ANPEP: variants seen among roughly 807,000 people sequenced by gnomAD.
ANPEP encodes the protein aminopeptidase N.
Under a neutral mutation model 114.6 loss-of-function variants are expected in ANPEP, and 70 were observed. The observed-to-expected ratio is 0.61, with a 90% CI of 0.50 to 0.75. The LOEUF is 0.75. Among genes scored for constraint, ANPEP ranks in the 30% least tolerant of loss-of-function variants. ANPEP has a pLI of 0.00. For missense variants in ANPEP, 1,184 were observed against 1,259.5 expected, an observed-to-expected ratio of 0.94 and a Z score of 0.91; for synonymous variants, 548 against 522.3, an observed-to-expected ratio of 1.05 and a Z score of -0.67.
chr15:89,797,265 C>T (rs1596164486), intron 15 of ANPEP, among the ~76,000 whole-genome samples: 1 of 152,200 alleles, frequency 6.6e-6, no homozygotes, highest in Non-Finnish European at 1.5e-5. Context: ...AGCGTTAATT[C>T]CCCATATTTC....
intron 6 of ANPEP, 94 bp from the exon 7 acceptor site, chr15:89,804,096 CACAG>C: frequency 6.4e-7 from 1 of 1,551,822 alleles, no homozygotes; most frequent in Non-Finnish European, 8.9e-7. Flanking sequence ...ATCTGCCAGG[CACAG>C]TGGGGATTTC....
intron 1 of ANPEP, among the ~76,000 whole-genome samples, chr15:89,808,197 G>A (rs1404522596): frequency 1.3e-5 from 2 of 152,134 alleles, no homozygotes; most frequent in Non-Finnish European, 1.5e-5. Context: ...AAGCCCCAGG[G>A]CCTTGGCACA....
Position 89,810,965 on chromosome 15 carries a change from C to T in ANPEP, c.-224+3807G>A, listed in dbSNP as rs117607542. Reference sequence around the variant, plus strand: ...TTTGCTTCATCCACTCCCCACTTGCCCTGGAGACACAAGTCAGTGGTGCTG... The same window carrying T: ...TTTGCTTCATCCACTCCCCACTTGCTCTGGAGACACAAGTCAGTGGTGCTG... On this transcript the variant is annotated intron_variant, in intron 1 of 20. Transcript: ENST00000300060. Among the ~76,000 whole-genome samples, 906 of 152,368 alleles carry T rather than the reference C, an allele frequency of 5.9e-3. 10 individuals are homozygous for T. The highest frequency in any genetic ancestry group is 0.034 in the East Asian group (177 of 5,190).
In ANPEP at chr15:89,799,138, A is replaced by C; in HGVS notation, c.2009+122T>G. Reference sequence around the variant, plus strand: ...GGGAGGGACGTCCAGGGAGCACAGGAGCTCAGGGCACAGCACGTGGCATAT... The same window carrying C: ...GGGAGGGACGTCCAGGGAGCACAGGCGCTCAGGGCACAGCACGTGGCATAT... On this transcript the variant is annotated intron_variant, in intron 14 of 20. Coordinates refer to ENST00000300060, the MANE Select transcript of ANPEP (RefSeq NM_001150.3). This position sits in a 1 kb window ranked among gnomAD's most constrained non-coding sequence, Gnocchi z 4.2. 1 of 1,107,096 alleles carries C rather than the reference A, an allele frequency of 9.0e-7. No homozygotes were observed. Among genetic ancestry groups the C allele is most frequent in the African/African-American group, 1.5e-5 (1 of 65,272 alleles). 68.6% of individuals were successfully genotyped at this position (1,107,096 alleles called of 1,614,324 possible). A position where few individuals can be genotyped will look rare whatever the true frequency, so the allele number is the denominator to read the frequency against.
In ANPEP at chr15:89,790,949, T is replaced by C; in HGVS notation, c.2669+4A>G. ...TGTCCCTGACACCCATTCCACAGAC[T>C]CACTCGTTAAAAAGCTTCTTCCAGT... On this transcript the variant is annotated splice_donor_region_variant and intron_variant, in intron 19 of 20. Coordinates refer to ENST00000300060, the MANE Select transcript of ANPEP (RefSeq NM_001150.3). 6.8e-6 allele frequency: 11 copies of C among 1,613,780 alleles called. No homozygotes were observed. The highest frequency in any genetic ancestry group is 9.3e-6 in the Non-Finnish European group (11 of 1,179,816).
At chr15:89,789,775 C>CAGAAAAAA (rs1968581171) in intron 20 of ANPEP, among the ~76,000 whole-genome samples, 1 of 97,492 alleles carries the variant, frequency 1.0e-5, no homozygotes, top group African/African-American at 4.1e-5. Context: ...GACTCAGTCT[C>CAGAAAAAA]AAAAAAAAAA....
chr15:89,786,848 C>T (rs947570482), intron 20 of ANPEP, among the ~76,000 whole-genome samples: 9 of 152,050 alleles, frequency 5.9e-5, no homozygotes, highest in African/African-American at 2.2e-4. Flanking sequence ...TTATATTTAC[C>T]GTCAATTGAT....
chr15:89,805,060 A>G lies in ANPEP; in HGVS notation c.897+18T>C, dbSNP rs755459265. 9.3e-6 allele frequency: 15 copies of G among 1,613,946 alleles called. No individual in the cohort carries two copies. The highest frequency in any genetic ancestry group is 1.2e-5 in the Non-Finnish European group (14 of 1,179,914). ...CGGGGCCAGCCCACGTGAAGGAGAGATGGGCCCAGCCTCATACCAAGACAC... is the reference window on the plus strand; with the variant it reads ...CGGGGCCAGCCCACGTGAAGGAGAGGTGGGCCCAGCCTCATACCAAGACAC... On this transcript the variant is annotated intron_variant, in intron 4 of 20. Transcript: ENST00000300060.
Position 89,803,466 on chromosome 15 carries a change from C to T in ANPEP, c.1479G>A (p.Glu493=). 6.2e-7 allele frequency: 1 copy of T among 1,605,634 alleles called. No individual in the cohort carries two copies. The highest frequency in any genetic ancestry group is 1.1e-5 in the South Asian group (1 of 90,266). The part of the protein sequence containing the change: ...VLRMLSSFLS[E]DVFKQGLASY... The stretch of plus-strand genomic sequence containing the variant: ...CCGCCAGGCCCTGCTTGAATACGTC[C>T]TCGGACAGGAAGCTGGAGAGCATCC... The change falls in exon 9 of 21, where the codon GAG becomes GAA. Residue 493 remains glutamate (E), a synonymous_variant. Transcript: ENST00000300060. This position sits in a 1 kb window ranked among gnomAD's most constrained non-coding sequence, Gnocchi z 4.2.
At chr15:89,787,414 T>C (rs1968528370) in intron 20 of ANPEP, among the ~76,000 whole-genome samples, 1 of 152,120 alleles carries the variant, frequency 6.6e-6, no homozygotes, top group Non-Finnish European at 1.5e-5. Context: ...AATAAAAAAA[T>C]AGGTATAAAT....
rs1417685505 is a variant in ANPEP at position 89,805,081 on chromosome 15, G to C, written c.894C>G (p.Val298=). ...AGAGATGGGCCCAGCCTCATACCAA[G>C]ACACCATTGGATGCCTGCTTCTCCA... ...DYVEKQASNG[V]LIRIWARPSA... Residue 298 remains valine, a synonymous_variant, in exon 4 of 21, where the codon GTC becomes GTG. Coordinates refer to ENST00000300060, the MANE Select transcript of ANPEP (RefSeq NM_001150.3). 1.9e-6 allele frequency: 3 copies of C among 1,614,112 alleles called. No individual in the cohort carries two copies. The highest frequency in any genetic ancestry group is 2.7e-5 in the African/African-American group (2 of 74,942).
At chr15:89,809,714 G>C (rs1894785146) in intron 1 of ANPEP, among the ~76,000 whole-genome samples, 1 of 152,212 alleles carries the variant, frequency 6.6e-6, no homozygotes, top group Non-Finnish European at 1.5e-5. Flanking sequence ...CACGTCAGCA[G>C]AGGGCTCTGC....
At chr15:89,792,646 C>G in intron 16 of ANPEP, 84 bp from the exon 17 acceptor site, 2 of 1,243,576 alleles carry the variant, frequency 1.6e-6, no homozygotes, top group Non-Finnish European at 2.3e-6. Flanking sequence ...CAGGCCGGCA[C>G]CCTGCCTAAG....
Position 89,797,586 on chromosome 15 carries a change from C to T in ANPEP, c.2146G>A (p.Gly716Ser). The change falls in exon 15 of 21, where the codon GGC becomes AGC. Residue 716 changes from glycine to serine, a missense_variant. Gly to Ser is a moderately conservative substitution (Grantham distance 56, BLOSUM62 0). Coordinates refer to ENST00000300060, the MANE Select transcript of ANPEP (RefSeq NM_001150.3). ...KLMFDRSEVY[G>S]PMKNYLKKQV... ...ATGCACCTCCGTACCTTCATGGGGCCATAGACCTCGGAGCGGTCAAACATG... is the reference window on the plus strand; with the variant it reads ...ATGCACCTCCGTACCTTCATGGGGCTATAGACCTCGGAGCGGTCAAACATG... The T allele has an allele frequency of 1.2e-6, 2 of 1,613,770 alleles. No individual in the cohort carries two copies. The highest frequency in any genetic ancestry group is 4.5e-5 in the East Asian group (2 of 44,880).
chr15:89,786,961 A>G (rs1968518256), intron 20 of ANPEP, among the ~76,000 whole-genome samples: 1 of 151,552 alleles, frequency 6.6e-6, no homozygotes, highest in South Asian at 2.1e-4. Flanking sequence ...ATGAAGTTGG[A>G]CCCCAACCTC....
chr15:89,797,343 C>G (rs1435236014), intron 15 of ANPEP: 1 of 497,524 alleles, frequency 2.0e-6, no homozygotes, highest in African/African-American at 2.0e-5. Context: ...TCCTCACTCA[C>G]CTCCTCAGTG....
At chr15:89,807,027 A>G (rs1685133892) in intron 1 of ANPEP, 1 of 168,344 alleles carries the variant, frequency 5.9e-6, no homozygotes, top group African/African-American at 2.4e-5. Context: ...AGGTGCACAG[A>G]GAAGGGGTTC....
At position 89,803,895 on chromosome 15, in the gene ANPEP, C is replaced by T. The variant is rs749638276; in HGVS notation, c.1287G>A (p.Trp429Ter). ...YLGADYAEPT[W>*]NLKDLMVLND... is the part of the protein sequence containing the mutation. ...CCCTGGGCAGCTGGCTTACCAAGTT[C>T]CAGGTGGGCTCCGCATAGTCAGCAC... The change falls in exon 7 of 21, where the codon TGG becomes TGA. Residue 429 changes from tryptophan (W) to a stop codon, truncating the protein, a stop_gained. Coordinates refer to ENST00000300060, the MANE Select transcript of ANPEP (RefSeq NM_001150.3). LOFTEE classifies it high-confidence loss of function. The surrounding 1 kb of genome is among the most constrained non-coding windows in gnomAD (Gnocchi z 4.2). 3.1e-6 allele frequency: 5 copies of T among 1,614,050 alleles called. No homozygotes were observed. The highest frequency in any genetic ancestry group is 2.2e-5 in the East Asian group (1 of 44,886).
At chr15:89,807,931 C>G (rs77070792) in intron 1 of ANPEP, among the ~76,000 whole-genome samples, 4,066 of 152,264 alleles carry the variant, frequency 0.027, 171 homozygotes, top group African/African-American at 0.093. Context: ...GCAAGATGCA[C>G]TTGGTCAAAA....
Sources: allele counts gnomAD v4.1 joint callset (sites outside exome capture counted in the v4.1 genomes callset), GRCh38; gene constraint gnomAD v4.1.1; non-coding constraint Gnocchi (gnomAD v3.1); transcripts MANE v1.5; gene names NCBI Gene and HGNC (gene_info 2026-07-23, HGNC 2026-07-21).